Variants in NRG1 observed in about 807,000 individuals in gnomAD.
The protein encoded by NRG1 is pro-neuregulin-1, membrane-bound isoform.
A neutral mutation model predicts 63.8 loss-of-function variants in NRG1; 18 were observed. The ratio of observed to expected loss-of-function variants is 0.28; its 90% CI spans 0.19 to 0.42. The LOEUF (loss-of-function observed/expected upper bound fraction) is 0.42. NRG1 is among the 10% of genes least tolerant of loss of function. The probability of loss-of-function intolerance (pLI) is 1.00; values close to 1 mark genes in which losing one functional copy is unlikely to be tolerated. For synonymous variants in NRG1, 302 were observed against 301.3 expected (o/e 1.00, Z -0.02); for missense variants, 762 against 814.7 (o/e 0.94, Z 0.79).
At chr8:32,625,718 A>T (rs1380652214) in intron 5 of NRG1, among the ~76,000 whole-genome samples, 2 of 151,912 alleles carry the variant, frequency 1.3e-5, no homozygotes, top group Non-Finnish European at 2.9e-5. Context: ...GTGAATTAAA[A>T]TTGGATGGCC....
intron 1 of NRG1, among the ~76,000 whole-genome samples, chr8:32,119,676 C>T (rs541335465): frequency 6.6e-6 from 1 of 152,168 alleles, no homozygotes; most frequent in South Asian, 2.1e-4. Context: ...CCTCCATGCC[C>T]TTTCCCCTCC....
At chr8:32,184,065 T>C (rs1051678535) in intron 1 of NRG1, among the ~76,000 whole-genome samples, 1 of 140,264 alleles carries the variant, frequency 7.1e-6, no homozygotes, top group Non-Finnish European at 1.5e-5. Flanking sequence ...ACAATACACA[T>C]ACACACACAC....
chr8:31,939,802 G>A lies in NRG1; in HGVS notation c.37+300371G>A, dbSNP rs548887492. On this transcript the variant is annotated intron_variant, in intron 1 of 10. Coordinates refer to the NRG1 transcript ENST00000519301. ...AGAATAAACAAAATTTACAGCAACA[G>A]CAGTTTAAAAAGACAAATATGTTCA... is the stretch of plus-strand genomic sequence containing the variant. 8.5e-5 allele frequency among the ~76,000 whole-genome samples: 13 copies of A among 152,214 alleles called. 1 individual carries two copies. In the South Asian group the frequency reaches 2.7e-3, roughly 32 times the overall value.
At chr8:31,763,310 AGTTGCTATTATT>A (rs1415244872) in intron 1 of NRG1, among the ~76,000 whole-genome samples, 1 of 152,190 alleles carries the variant, frequency 6.6e-6, no homozygotes, top group African/African-American at 2.4e-5. Context: ...GTAAAATCTC[AGTTGCTATTATT>A]GTATTATTAT....
chr8:31,750,833 C>T (rs1030864998), intron 1 of NRG1, among the ~76,000 whole-genome samples: 2 of 151,914 alleles, frequency 1.3e-5, no homozygotes, highest in African/African-American at 2.4e-5. Flanking sequence ...GTTTTGTAGA[C>T]ATTTCTTGTT....
chr8:32,325,067 C>T (rs909673162), intron 1 of NRG1, among the ~76,000 whole-genome samples: 7 of 152,118 alleles, frequency 4.6e-5, no homozygotes, highest in African/African-American at 1.7e-4. Context: ...TTATTGTCAT[C>T]GCCATCCATA....
At chr8:32,394,710 T>A (rs1023562967) in intron 1 of NRG1, among the ~76,000 whole-genome samples, 6 of 152,180 alleles carry the variant, frequency 3.9e-5, no homozygotes, top group Admixed American at 3.9e-4. Context: ...CTCCCTACCC[T>A]CTTTGTTCTC....
rs535797100 is a variant in NRG1 at position 32,588,391 on chromosome 8, G to A, written c.101-7437G>A. Among the ~76,000 whole-genome samples the A allele has an allele frequency of 5.9e-5, 9 of 152,240 alleles. No homozygotes were observed. In the East Asian group the frequency reaches 1.4e-3, roughly 23 times the overall value. ...ATCATACTGTTTCAGTCATCGTGTA[G>A]CAGTTAATTGTGAGAAGTGAAACTT... is the stretch of plus-strand genomic sequence containing the variant. On this transcript the variant is annotated intron_variant, in intron 1 of 11. Coordinates refer to ENST00000356819, the Ensembl canonical transcript of NRG1.
chr8:31,924,493 G>A (rs1471676524), intron 1 of NRG1, among the ~76,000 whole-genome samples: 1 of 152,046 alleles, frequency 6.6e-6, no homozygotes. Flanking sequence ...CATTCGTGCT[G>A]TAGTTTTTTT....
At chr8:32,147,103 T>C (rs780144326) in intron 1 of NRG1, among the ~76,000 whole-genome samples, 1 of 152,204 alleles carries the variant, frequency 6.6e-6, no homozygotes, top group Non-Finnish European at 1.5e-5. Context: ...GTATCCAAGA[T>C]TGGAAAGAGT....
chr8:31,884,860 C>T (rs1278920761), intron 1 of NRG1, among the ~76,000 whole-genome samples: 1 of 151,834 alleles, frequency 6.6e-6, no homozygotes, highest in Non-Finnish European at 1.5e-5. Flanking sequence ...GGAATTAGAA[C>T]TGAAGATACA....
intron 1 of NRG1, among the ~76,000 whole-genome samples, chr8:32,495,759 G>A (rs1827136934): frequency 1.3e-5 from 2 of 152,166 alleles, no homozygotes; most frequent in African/African-American, 2.4e-5. Context: ...ACTGTGCCCA[G>A]CCTGTTTGGT....
chr8:32,671,034 G>A (rs1036571863), intron 5 of NRG1, among the ~76,000 whole-genome samples: 8 of 152,070 alleles, frequency 5.3e-5, no homozygotes, highest in African/African-American at 1.9e-4. Context: ...GGCATATATG[G>A]GAGACTAGCA....
At chr8:32,405,881 T>C (rs948495859) in intron 1 of NRG1, among the ~76,000 whole-genome samples, 1 of 152,226 alleles carries the variant, frequency 6.6e-6, no homozygotes, top group African/African-American at 2.4e-5. Flanking sequence ...CTGATTTTTG[T>C]GAGACTCTGT....
intron 5 of NRG1, among the ~76,000 whole-genome samples, chr8:32,697,673 C>G (rs1813716514): frequency 6.6e-6 from 1 of 152,160 alleles, no homozygotes; most frequent in Non-Finnish European, 1.5e-5. Context: ...TGTGCTAGAG[C>G]TGGTTACTAC....
At chr8:32,553,060 A>G (rs1834452458) in intron 1 of NRG1, among the ~76,000 whole-genome samples, 1 of 152,244 alleles carries the variant, frequency 6.6e-6, no homozygotes, top group Non-Finnish European at 1.5e-5. Flanking sequence ...CAGATGGCCT[A>G]GTCCTTAGCT....
intron 1 of NRG1, among the ~76,000 whole-genome samples, chr8:32,361,325 T>C (rs1807184209): frequency 6.6e-6 from 1 of 151,942 alleles, no homozygotes; most frequent in Non-Finnish European, 1.5e-5. Flanking sequence ...AGGGAGCGGG[T>C]AGAAAAGGAG....
chr8:31,681,828 C>T (rs576861711), intron 1 of NRG1, among the ~76,000 whole-genome samples: 2 of 151,994 alleles, frequency 1.3e-5, no homozygotes, highest in African/African-American at 4.8e-5. Flanking sequence ...AGGATCACAG[C>T]AATATAGAGC....
intron 1 of NRG1, among the ~76,000 whole-genome samples, chr8:31,926,355 A>C (rs915668489): frequency 6.6e-6 from 1 of 152,124 alleles, no homozygotes; most frequent in African/African-American, 2.4e-5. Flanking sequence ...GCTTGTGAAT[A>C]AGCAGTTGCC....
Sources: allele counts gnomAD v4.1 joint callset (sites outside exome capture counted in the v4.1 genomes callset), GRCh38; gene constraint gnomAD v4.1.1; transcripts MANE v1.5; gene names NCBI Gene and HGNC (gene_info 2026-07-23, HGNC 2026-07-21).